ME3: variants seen among roughly 807,000 people sequenced by gnomAD.
The protein encoded by ME3 is NADP-dependent malic enzyme, mitochondrial.
A neutral mutation model predicts 68.9 loss-of-function variants in ME3; 48 were observed. That is an observed-to-expected ratio of 0.70 (90% CI 0.55 to 0.89). The LOEUF (loss-of-function observed/expected upper bound fraction) is 0.89. ME3 is among the 40% of genes least tolerant of loss of function. The pLI is 0.00. For missense variants in ME3, 675 were observed against 797.4 expected, an observed-to-expected ratio of 0.85 and a Z score of 1.85; for synonymous variants, 320 against 318.8, an observed-to-expected ratio of 1.00 and a Z score of -0.04.
In ME3 at chr11:86,566,687, G is replaced by A. The variant is rs549463059; in HGVS notation, c.184-6864C>T. On this transcript the variant is annotated intron_variant, in intron 2 of 14. Coordinates refer to ENST00000543262, the Ensembl canonical transcript of ME3. The stretch of plus-strand genomic sequence containing the variant: ...GCAAGAGAGGTTACATAATGCTCCT[G>A]AAGTTCCACGGCTGTTACTTCACAC... Among the ~76,000 whole-genome samples the A allele has an allele frequency of 1.8e-4, 27 of 152,302 alleles. No individual in the cohort carries two copies. In the South Asian group the frequency reaches 2.1e-3, roughly 12 times the overall value.
intron 2 of ME3, among the ~76,000 whole-genome samples, chr11:86,573,029 A>G (rs1464532226): frequency 2.6e-5 from 4 of 152,164 alleles, no homozygotes; most frequent in Non-Finnish European, 4.4e-5. Context: ...TCTAACGATC[A>G]GTGATGTTTA....
chr11:86,475,874 T>TATATATATATATAGAGAG, intron 7 of ME3, among the ~76,000 whole-genome samples: 33 of 91,466 alleles, frequency 3.6e-4, no homozygotes, highest in African/African-American at 7.5e-4. Context: ...TATATATATA[T>TATATATATATATAGAGAG]AGAGAGAGAG....
chr11:86,637,471 A>G (rs1944408435), intron 2 of ME3, among the ~76,000 whole-genome samples: 1 of 152,080 alleles, frequency 6.6e-6, no homozygotes, highest in Admixed American at 6.6e-5. Context: ...GAAGATTTCC[A>G]TGGGAAGTGA....
intron 2 of ME3, among the ~76,000 whole-genome samples, chr11:86,656,506 C>A (rs1418196127): frequency 2.0e-5 from 3 of 150,412 alleles, no homozygotes; most frequent in Admixed American, 6.7e-5. Context: ...GGACAAAAAA[C>A]CAAACACTTC....
intron 4 of ME3, among the ~76,000 whole-genome samples, chr11:86,539,582 A>G (rs1216365140): frequency 6.6e-6 from 1 of 152,164 alleles, no homozygotes; most frequent in Non-Finnish European, 1.5e-5. Flanking sequence ...ATAAGAAGAC[A>G]GTCTGTATGC....
intron 2 of ME3, among the ~76,000 whole-genome samples, chr11:86,607,848 C>A (rs1354659067): frequency 6.6e-6 from 1 of 151,948 alleles, no homozygotes; most frequent in Non-Finnish European, 1.5e-5. Context: ...ACATGATAGA[C>A]CTTCAGATAT....
At chr11:86,481,208 ATTT>A (rs71040240) in intron 7 of ME3, among the ~76,000 whole-genome samples, 39,126 of 105,906 alleles carry the variant, frequency 0.37, 6,825 homozygotes, top group South Asian at 0.48. Flanking sequence ...CACCCAGCTG[ATTT>A]TTTTTTTTTT....
intron 7 of ME3, among the ~76,000 whole-genome samples, chr11:86,472,493 T>C (rs1486148416): frequency 6.6e-6 from 1 of 152,052 alleles, no homozygotes; most frequent in African/African-American, 2.4e-5. Context: ...AGTGCAGACA[T>C]GTAGGCAGAG....
chr11:86,496,306 TGA>T (rs1952329008), intron 6 of ME3, among the ~76,000 whole-genome samples: 1 of 151,938 alleles, frequency 6.6e-6, no homozygotes, highest in African/African-American at 2.4e-5. Flanking sequence ...CTCAGGAGGC[TGA>T]GATAGGAGAA....
intron 2 of ME3, among the ~76,000 whole-genome samples, chr11:86,643,242 T>C (rs1944780889): frequency 6.6e-6 from 1 of 152,158 alleles, no homozygotes; most frequent in South Asian, 2.1e-4. Flanking sequence ...AATCCTATAG[T>C]GTCACTCTTC....
chr11:86,619,987 TC>T (rs1224590547), intron 2 of ME3, among the ~76,000 whole-genome samples: 1 of 152,108 alleles, frequency 6.6e-6, no homozygotes, highest in Non-Finnish European at 1.5e-5. Flanking sequence ...AAGTAAATTT[TC>T]CAGTGTAGTT....
chr11:86,588,928 C>T (rs925568908), intron 2 of ME3, among the ~76,000 whole-genome samples: 17 of 152,186 alleles, frequency 1.1e-4, no homozygotes, highest in African/African-American at 4.1e-4. Context: ...CTGTGTGTCC[C>T]CAATGCTTGA....
At chr11:86,621,138 T>C (rs981761913) in intron 2 of ME3, among the ~76,000 whole-genome samples, 17 of 152,234 alleles carry the variant, frequency 1.1e-4, no homozygotes, top group African/African-American at 4.1e-4. Flanking sequence ...AAAACCCACC[T>C]ATTCCTGCCA....
intron 2 of ME3, among the ~76,000 whole-genome samples, chr11:86,619,782 A>T (rs921464567): frequency 8.5e-5 from 13 of 152,222 alleles, no homozygotes; most frequent in African/African-American, 3.1e-4. Context: ...AAAACAGACT[A>T]ATACAGTTGT....
In ME3 at chr11:86,610,304, A is replaced by AT; in HGVS notation, c.184-50482dup. Among the ~76,000 whole-genome samples, 4 of 152,130 alleles carry AT rather than the reference A, an allele frequency of 2.6e-5. No homozygotes were observed. The Middle Eastern group carries it at 0.014, about 517-fold the overall frequency. On this transcript the variant is annotated intron_variant, in intron 2 of 14. Coordinates refer to ENST00000543262, the Ensembl canonical transcript of ME3. ...TGGATATTTTTCATATTATCGTTATATTTTTTCCTGTGTCTGAAATACTTT... is the reference window on the plus strand; with the variant it reads ...TGGATATTTTTCATATTATCGTTATATTTTTTTCCTGTGTCTGAAATACTTT...
Position 86,620,243 on chromosome 11 carries a change from G to A in ME3, c.183+51519C>T, listed in dbSNP as rs1434656591. ...ATGAATATGAAACAATCTTATCAAT[G>A]ACTATAATAATTATTCTTAACTAAA... On this transcript the variant is annotated intron_variant, in intron 2 of 14. Coordinates refer to ENST00000543262, the Ensembl canonical transcript of ME3. 2.0e-5 allele frequency among the ~76,000 whole-genome samples: 3 copies of A among 152,216 alleles called. No individual in the cohort carries two copies. The East Asian group carries it at 5.8e-4, about 29-fold the overall frequency.
At chr11:86,599,709 A>G (rs1050633342) in intron 2 of ME3, among the ~76,000 whole-genome samples, 5 of 152,212 alleles carry the variant, frequency 3.3e-5, no homozygotes, top group African/African-American at 4.8e-5. Flanking sequence ...GAGAAAGGCC[A>G]GGTTACCCAC....
chr11:86,655,372 A>T (rs1438468778), intron 2 of ME3, among the ~76,000 whole-genome samples: 1 of 152,188 alleles, frequency 6.6e-6, no homozygotes, highest in Non-Finnish European at 1.5e-5. Context: ...AGTAACCAAA[A>T]CAGCATGGTA....
chr11:86,522,361 CTTTT>C (rs139483078), intron 4 of ME3, among the ~76,000 whole-genome samples: 2 of 141,628 alleles, frequency 1.4e-5, no homozygotes, highest in Non-Finnish European at 3.1e-5. Flanking sequence ...CTATTTTTTT[CTTTT>C]TTTTTTTTTT....
Sources: allele counts gnomAD v4.1 joint callset (sites outside exome capture counted in the v4.1 genomes callset), GRCh38; gene constraint gnomAD v4.1.1; transcripts MANE v1.5; gene names NCBI Gene and HGNC (gene_info 2026-07-23, HGNC 2026-07-21).